LMF2: variants seen among roughly 807,000 people sequenced by gnomAD.
The protein encoded by LMF2 is transmembrane protein 112B.
Under a neutral mutation model 81.5 loss-of-function variants are expected in LMF2, and 113 were observed. The observed-to-expected ratio is 1.39, with a 90% CI of 1.19 to 1.62. The LOEUF (loss-of-function observed/expected upper bound fraction) is 1.62, where lower values mean the gene tolerates loss of function less well. Ranked by LOEUF, LMF2 falls within the 40% of genes most tolerant of loss-of-function variation. The pLI is 0.00. For missense variants in LMF2, 1,235 were observed against 929.1 expected (o/e 1.33, Z -4.28); for synonymous variants, 645 against 424.5 (o/e 1.52, Z -6.39).
rs914761008 is a variant in LMF2 at position 50,506,745 on chromosome 22, T to C, written c.348+37A>G. ...TAGAGGCAGGGGTGGGTGGTGGGGGTTGGAGATAGAGTGAGCTGGTCACAG... is the reference window on the plus strand; with the variant it reads ...TAGAGGCAGGGGTGGGTGGTGGGGGCTGGAGATAGAGTGAGCTGGTCACAG... On this transcript the variant is annotated intron_variant, in intron 2 of 13. Coordinates refer to ENST00000474879, the MANE Select transcript of LMF2 (RefSeq NM_033200.3). The C allele has an allele frequency of 6.8e-6, 11 of 1,610,836 alleles. No homozygotes were observed. In the South Asian group the frequency reaches 1.2e-4, roughly 18 times the overall value.
Position 50,503,944 on chromosome 22 carries a change from G to A in LMF2, c.1719-40C>T, listed in dbSNP as rs369388883. ...GATGTTCAGAAGCTGGAGGCACCCC[G>A]GGCTCCATACCCCATCGCCAGTGCC... On this transcript the variant is annotated intron_variant, in intron 12 of 13. Coordinates refer to ENST00000474879, the MANE Select transcript of LMF2 (RefSeq NM_033200.3). 5.8e-4 allele frequency: 903 copies of A among 1,566,212 alleles called. 6 individuals are homozygous for A. The African/African-American group carries it at 7.9e-3, about 14-fold the overall frequency.
In LMF2 at chr22:50,506,421, G is replaced by C; in HGVS notation, c.459C>G (p.Pro153=). The C allele has an allele frequency of 6.4e-7, 1 of 1,550,520 alleles. No homozygotes were observed. The highest frequency in any genetic ancestry group is 2.4e-5 in the East Asian group (1 of 41,238). The stretch of plus-strand genomic sequence containing the variant: ...GCAGGGCCCCTGCCTGCCTGCCCTG[G>C]GGGGCCTCCTTGCGGTGGGAGGCTG... ...LRPASHRKEA[P]QGRQAGALPH... is the part of the protein sequence containing the mutation. Residue 153 remains proline, a synonymous_variant, in exon 4 of 14, where the codon CCC becomes CCG. Transcript: ENST00000474879.
Position 50,504,347 on chromosome 22 carries a change from C to T in LMF2, c.1711G>A (p.Glu571Lys), listed in dbSNP as rs867101890. Residue 571 changes from glutamate (E) to lysine (K), a missense_variant, in exon 12 of 14, where the codon GAG (glutamate) becomes AAG (lysine). Glu to Lys is a moderately conservative substitution (Grantham distance 56). Transcript: ENST00000474879. ...RYKYWFSQPG[E>K]QGQWWRRQWV... Reference sequence around the variant, plus strand: ...CCCGGTGCCCAGCCTTACCCCTGCTCCCCAGGCTGGGAGAACCAGTACTTG... The same window carrying T: ...CCCGGTGCCCAGCCTTACCCCTGCTTCCCAGGCTGGGAGAACCAGTACTTG... 3 of 1,611,008 alleles carry T rather than the reference C, an allele frequency of 1.9e-6. No homozygotes were observed. Among genetic ancestry groups the T allele is most frequent in the Middle Eastern group, 1.7e-4 (1 of 5,998 alleles).
At position 50,503,853 on chromosome 22, in the gene LMF2, C is replaced by T. The variant is rs1260404238; in HGVS notation, c.1770G>A (p.Leu590=). ...GCAGCGTCTCCAGCGTGGGGTCCCC[C>T]AGGGACACGGATGGGAAGAACTCCT... ...WVEEFFPSVS[L]GDPTLETLLR... is the part of the protein sequence containing the mutation. Residue 590 remains leucine, a synonymous_variant, in exon 13 of 14, where the codon CTG becomes CTA. Coordinates refer to ENST00000474879, the MANE Select transcript of LMF2 (RefSeq NM_033200.3). 5.0e-6 allele frequency: 8 copies of T among 1,606,212 alleles called. No homozygotes were observed. The highest frequency in any genetic ancestry group is 6.8e-6 in the Non-Finnish European group (8 of 1,179,520).
rs769796924 is a variant in LMF2 at position 50,503,480 on chromosome 22, G to A, written c.2035C>T (p.Gln679Ter). The A allele has an allele frequency of 1.3e-6, 2 of 1,594,236 alleles. No individual in the cohort carries two copies. Among genetic ancestry groups the A allele is most frequent in the African/African-American group, 1.4e-5 (1 of 73,628 alleles). ...TCGGAGGCAGCTCCGGAGTCTTTCT[G>A]GGAGGCTGGCCTGCGCTTCTCCCCG... is the stretch of plus-strand genomic sequence containing the variant. ...VSGEKRRPAS[Q>*]KDSGAASEQA... Residue 679 changes from glutamine to a stop codon, truncating the protein, a stop_gained, in exon 14 of 14, where the codon CAG (glutamine) becomes TAG (stop). Coordinates refer to ENST00000474879, the MANE Select transcript of LMF2 (RefSeq NM_033200.3). LOFTEE classifies it low-confidence loss of function (END_TRUNC).
Position 50,504,334 on chromosome 22 carries a change from C to T in LMF2, c.1718+6G>A, listed in dbSNP as rs2068493240. The T allele has an allele frequency of 1.2e-6, 2 of 1,608,290 alleles. No homozygotes were observed. The highest frequency in any genetic ancestry group is 3.3e-5 in the Admixed American group (2 of 59,786). On this transcript the variant is annotated splice_donor_region_variant and intron_variant, in intron 12 of 13. Coordinates refer to ENST00000474879, the MANE Select transcript of LMF2 (RefSeq NM_033200.3). ...GCTCCACACCCCACCCGGTGCCCAG[C>T]CTTACCCCTGCTCCCCAGGCTGGGA...
rs145861428 is a variant in LMF2 at position 50,506,788 on chromosome 22, G to A, written c.342C>T (p.Ala114=). Residue 114 remains alanine, a synonymous_variant, in exon 2 of 14, where the codon GCC becomes GCT. Transcript: ENST00000474879. ...GGTCACAGGTCCCACTTGCCTGGCA[G>A]GCTGACAGGTAGGCGGCCCAAAGCA... ...YLLLWAAYLS[A]CQVGQVFLYF... 8.7e-6 allele frequency: 14 copies of A among 1,612,844 alleles called. No homozygotes were observed. Among genetic ancestry groups the A allele is most frequent in the African/African-American group, 2.7e-5 (2 of 74,904 alleles).
chr22:50,505,956 G>A, intron 5 of LMF2, 79 bp downstream of exon 5: 2 of 1,560,348 alleles, frequency 1.3e-6, no homozygotes, highest in South Asian at 1.2e-5. Flanking sequence ...GAGCCACGCT[G>A]TCCCCAACAG....
chr22:50,503,827 A>AGCAGCGTCT lies in LMF2; in HGVS notation c.1787_1795dup (p.Leu598_Leu599insGlnThrLeu). On this transcript the variant is annotated inframe_insertion, in exon 13 of 14. Coordinates refer to ENST00000474879, the MANE Select transcript of LMF2 (RefSeq NM_033200.3). Reference sequence around the variant, plus strand: ...CCTTACCTGTAGTCCAAACTGCCTGAGCAGCGTCTCCAGCGTGGGGTCCCC... The same window carrying AGCAGCGTCT: ...CCTTACCTGTAGTCCAAACTGCCTGAGCAGCGTCTGCAGCGTCTCCAGCGTGGGGTCCCC... 6.2e-7 allele frequency: 1 copy of AGCAGCGTCT among 1,605,828 alleles called. No individual in the cohort carries two copies. Among genetic ancestry groups the AGCAGCGTCT allele is most frequent in the Non-Finnish European group, 8.5e-7 (1 of 1,179,386 alleles).
rs756958751 is a variant in LMF2, at chr22:50,505,032, C to T, written c.1254+25G>A. ...CAGGGCTGCCCTGCCCCCAGCCCAT[C>T]CCCCAGCCCTGCAGCGCTACCCACC... On this transcript the variant is annotated intron_variant, in intron 9 of 13. Transcript: ENST00000474879. 3.7e-6 allele frequency: 6 copies of T among 1,610,528 alleles called. No homozygotes were observed. In the Admixed American group the frequency reaches 5.0e-5, roughly 13 times the overall value.
Position 50,503,833 on chromosome 22 carries a change from G to C in LMF2, c.1790C>G (p.Thr597Arg), listed in dbSNP as rs145298309. The C allele has an allele frequency of 1.2e-6, 2 of 1,605,926 alleles. No homozygotes were observed. Among genetic ancestry groups the C allele is most frequent in the Admixed American group, 3.3e-5 (2 of 59,960 alleles). ...SVSLGDPTLE[T>R]LLRQFGLQEK... ...CTGTAGTCCAAACTGCCTGAGCAGC[G>C]TCTCCAGCGTGGGGTCCCCCAGGGA... The change falls in exon 13 of 14, where the codon ACG (threonine) becomes AGG (arginine). Residue 597 changes from threonine to arginine, a missense_variant. Physicochemically the swap from Thr to Arg is moderately conservative, Grantham distance 71. Coordinates refer to ENST00000474879, the MANE Select transcript of LMF2 (RefSeq NM_033200.3).
intron 1 of LMF2, 104 bp downstream of exon 1, chr22:50,507,478 G>T: frequency 1.1e-6 from 1 of 904,678 alleles, no homozygotes; most frequent in Non-Finnish European, 1.8e-6. Context: ...GCCAAGGCCT[G>T]GCCCTCACTC....
Position 50,503,624 on chromosome 22 carries a change from A to AC in LMF2, c.1890dup (p.Ser631ValfsTer69). The stretch of plus-strand genomic sequence containing the variant: ...AGCAGGGCGGGGGCCTCCAGGGGAG[A>AC]CAGCTGAGAGCGAGTCCAGTGGAGG... On this transcript the variant is annotated frameshift_variant, in exon 14 of 14. Coordinates refer to ENST00000474879, the MANE Select transcript of LMF2 (RefSeq NM_033200.3). LOFTEE classifies it low-confidence loss of function (END_TRUNC). The AC allele has an allele frequency of 6.4e-7, 1 of 1,565,434 alleles. No individual in the cohort carries two copies. Among genetic ancestry groups the AC allele is most frequent in the Non-Finnish European group, 8.6e-7 (1 of 1,156,292 alleles).
At chr22:50,504,000 G>T (rs1194758431) in intron 12 of LMF2, 96 bp from the exon 13 acceptor site, 1 of 1,083,268 alleles carries the variant, frequency 9.2e-7, no homozygotes, top group Non-Finnish European at 1.3e-6. Flanking sequence ...AGCTCCTCAC[G>T]CTCCACATCC....
rs1394115850 is a variant in LMF2 at position 50,506,146 on chromosome 22, C to G, written c.663G>C (p.Pro221=). 2.5e-6 allele frequency: 4 copies of G among 1,571,692 alleles called. No individual in the cohort carries two copies. The highest frequency in any genetic ancestry group is 4.6e-5 in the East Asian group (2 of 43,024). Reference sequence around the variant, plus strand: ...CCACGCTGAGCTTGTGCAGCCAGACCGGCAGGTGGTGTGCGAACCAGGCGG... The same window carrying G: ...CCACGCTGAGCTTGTGCAGCCAGACGGGCAGGTGGTGTGCGAACCAGGCGG... ...TPAAWFAHHL[P]VWLHKLSVVA... The change falls in exon 5 of 14, where the codon CCG becomes CCC. Residue 221 remains proline (P), a synonymous_variant. Coordinates refer to ENST00000474879, the MANE Select transcript of LMF2 (RefSeq NM_033200.3).
rs1440365886 is a variant in LMF2 at position 50,504,929 on chromosome 22, T to C, written c.1310A>G (p.His437Arg). The C allele has an allele frequency of 1.2e-6, 2 of 1,607,354 alleles. No homozygotes were observed. The highest frequency in any genetic ancestry group is 8.5e-7 in the Non-Finnish European group (1 of 1,176,986). Residue 437 changes from histidine (H) to arginine (R), a missense_variant, in exon 10 of 14, where the codon CAC (histidine) becomes CGC (arginine). Coordinates refer to ENST00000474879, the MANE Select transcript of LMF2 (RefSeq NM_033200.3). The part of the protein sequence containing the change: ...GTHGRLWTGA[H>R]RLFGAVEHLQ... Reference sequence around the variant, plus strand: ...GTGCTCCACGGCACCAAACAGGCGGTGGGCCCCGGTCCAGAGGCGCCCGTG... The same window carrying C: ...GTGCTCCACGGCACCAAACAGGCGGCGGGCCCCGGTCCAGAGGCGCCCGTG...
In LMF2 at chr22:50,504,583, G is replaced by A. The variant is rs375495097; in HGVS notation, c.1582C>T (p.Arg528Cys). ...HSPWFTSLVL[R>C]LLQGKEPVIR... is the part of the protein sequence containing the mutation. ...CCTGGCTCCTTGCCCTGCAGCAGGC[G>A]CAAGACCAGGCTTGTGAACCACGGG... Residue 528 changes from arginine (R) to cysteine (C), a missense_variant, in exon 11 of 14, where the codon CGC becomes TGC. Transcript: ENST00000474879. The A allele has an allele frequency of 4.1e-5, 65 of 1,598,220 alleles. No individual in the cohort carries two copies. Among genetic ancestry groups the A allele is most frequent in the African/African-American group, 9.4e-5 (7 of 74,410 alleles).
intron 1 of LMF2, 38 bp downstream of exon 1, chr22:50,507,544 C>T: frequency 2.8e-6 from 4 of 1,445,898 alleles, no homozygotes; most frequent in Non-Finnish European, 1.9e-6. Context: ...TAGGGTCCCG[C>T]GCCGAGGCTG....
At position 50,503,843 on chromosome 22, in the gene LMF2, TGG is replaced by T. The variant is rs770831839; in HGVS notation, c.1778_1779del (p.Pro593HisfsTer106). On this transcript the variant is annotated frameshift_variant, in exon 13 of 14. Transcript: ENST00000474879. LOFTEE classifies it low-confidence loss of function (END_TRUNC). ...EFFPSVSLGD[P>X]TLETLLRQFG... ...AACTGCCTGAGCAGCGTCTCCAGCG[TGG>T]GGTCCCCCAGGGACACGGATGGGAA... 3.5e-4 allele frequency: 558 copies of T among 1,606,302 alleles called. 2 individuals carry two copies. The African/African-American group carries it at 6.8e-3, about 20-fold the overall frequency.
Sources: allele counts gnomAD v4.1 joint callset, GRCh38; gene constraint gnomAD v4.1.1; transcripts MANE v1.5; gene names NCBI Gene and HGNC (gene_info 2026-07-23, HGNC 2026-07-21).